Variants in MYO1E observed in about 807,000 individuals in gnomAD.
MYO1E encodes myosin IE.
Under a neutral mutation model 151.1 loss-of-function variants are expected in MYO1E, and 68 were observed. That is an observed-to-expected ratio of 0.45 (90% CI 0.37 to 0.55). The LOEUF (loss-of-function observed/expected upper bound fraction) is 0.55, where lower values mean the gene tolerates loss of function less well. Among genes scored for constraint, MYO1E ranks in the 20% least tolerant of loss-of-function variants. MYO1E has a pLI of 0.00. For synonymous variants in MYO1E, 601 were observed against 501.7 expected, an observed-to-expected ratio of 1.20 and a Z score of -2.64; for missense variants, 1,363 against 1,389.3, an observed-to-expected ratio of 0.98 and a Z score of 0.30.
In MYO1E at chr15:59,157,014, G is replaced by C. The variant is rs538117811; in HGVS notation, c.2878+1273C>G. On this transcript the variant is annotated intron_variant, in intron 25 of 27. Coordinates refer to ENST00000288235, the MANE Select transcript of MYO1E (RefSeq NM_004998.4). ...AAGGTGGGATGACTGCTTGAACCTA[G>C]GAGTTCAAGACCAGCCTGGGCAACA... is the stretch of plus-strand genomic sequence containing the variant. 9.2e-5 allele frequency among the ~76,000 whole-genome samples: 14 copies of C among 152,060 alleles called. No individual in the cohort carries two copies. The South Asian group carries it at 2.5e-3, about 27-fold the overall frequency.
chr15:59,153,172 T>C (rs1436881687), intron 26 of MYO1E, among the ~76,000 whole-genome samples: 1 of 152,176 alleles, frequency 6.6e-6, no homozygotes, highest in Non-Finnish European at 1.5e-5. Context: ...CTTCAACAAA[T>C]ATCATATAGA....
intron 7 of MYO1E, among the ~76,000 whole-genome samples, chr15:59,226,387 G>C (rs1312291220): frequency 1.3e-5 from 2 of 152,150 alleles, no homozygotes; most frequent in Admixed American, 1.3e-4. Context: ...ACAGTGACCA[G>C]GTCTTTCTTC....
At chr15:59,196,019 C>A (rs1407224111) in intron 16 of MYO1E, among the ~76,000 whole-genome samples, 1 of 152,204 alleles carries the variant, frequency 6.6e-6, no homozygotes, top group Non-Finnish European at 1.5e-5. Flanking sequence ...ATCCCCTACA[C>A]TCTCTTTTCT....
chr15:59,366,997 CAAAAAAA>C (rs66848377), intron 1 of MYO1E, among the ~76,000 whole-genome samples: 1 of 28,628 alleles, frequency 3.5e-5, no homozygotes, highest in African/African-American at 7.3e-5. Flanking sequence ...TGCATTTTCG[CAAAAAAA>C]AAAAAAAAAA....
At chr15:59,220,833 G>T (rs1003446809) in intron 9 of MYO1E, among the ~76,000 whole-genome samples, 4 of 140,542 alleles carry the variant, frequency 2.8e-5, no homozygotes, top group Admixed American at 7.5e-5. Context: ...CTCAATCCTC[G>T]ATTCCCAGCA....
intron 18 of MYO1E, among the ~76,000 whole-genome samples, chr15:59,185,344 T>C (rs1414208158): frequency 2.6e-5 from 4 of 152,198 alleles, no homozygotes; most frequent in African/African-American, 9.6e-5. Context: ...GCCAACTCAC[T>C]GCAACTTCCA....
chr15:59,336,809 G>T (rs1200903482), intron 1 of MYO1E, among the ~76,000 whole-genome samples: 1 of 131,596 alleles, frequency 7.6e-6, no homozygotes, highest in African/African-American at 2.9e-5. Context: ...TGTTCTCATT[G>T]TTCAGCTCCC....
At chr15:59,149,967 A>G (rs2079466629) in intron 26 of MYO1E, among the ~76,000 whole-genome samples, 1 of 152,200 alleles carries the variant, frequency 6.6e-6, no homozygotes, top group Non-Finnish European at 1.5e-5. Flanking sequence ...CAAATAGGAG[A>G]AGCTGTTAAA....
intron 1 of MYO1E, among the ~76,000 whole-genome samples, chr15:59,287,855 G>A (rs1046758255): frequency 6.6e-6 from 1 of 152,180 alleles, no homozygotes; most frequent in Non-Finnish European, 1.5e-5. Context: ...ATAGACTCTG[G>A]CCACCTGCAA....
At chr15:59,347,237 A>G (rs2080799314) in intron 1 of MYO1E, among the ~76,000 whole-genome samples, 1 of 152,338 alleles carries the variant, frequency 6.6e-6, no homozygotes, top group Non-Finnish European at 1.5e-5. Context: ...CACAAAGCCC[A>G]TTGTGAACCG....
At chr15:59,199,524 T>C (rs1365584816) in intron 16 of MYO1E, among the ~76,000 whole-genome samples, 3 of 152,194 alleles carry the variant, frequency 2.0e-5, no homozygotes, top group Non-Finnish European at 4.4e-5. Flanking sequence ...ATGCTCAACC[T>C]GTACTTGTCC....
At chr15:59,348,073 CA>C (rs1308133921) in intron 1 of MYO1E, among the ~76,000 whole-genome samples, 2 of 152,180 alleles carry the variant, frequency 1.3e-5, no homozygotes, top group Non-Finnish European at 2.9e-5. Flanking sequence ...CCTGCTGAAT[CA>C]CCTCCTCAGG....
chr15:59,275,971 T>C (rs1383664168), intron 1 of MYO1E, among the ~76,000 whole-genome samples: 4 of 152,172 alleles, frequency 2.6e-5, no homozygotes, highest in Admixed American at 2.0e-4. Context: ...AGGAGTTACA[T>C]GGGCGGTGTG....
At chr15:59,140,756 C>A (rs373243914) in intron 26 of MYO1E, among the ~76,000 whole-genome samples, 3 of 152,212 alleles carry the variant, frequency 2.0e-5, no homozygotes, top group African/African-American at 4.8e-5. Flanking sequence ...GGGGGGAACA[C>A]TGACTGCCAG....
intron 1 of MYO1E, among the ~76,000 whole-genome samples, chr15:59,331,498 T>C (rs899278404): frequency 6.6e-6 from 1 of 152,098 alleles, no homozygotes; most frequent in African/African-American, 2.4e-5. Context: ...TAGAACAATA[T>C]ATACAAACGG....
intron 24 of MYO1E, 41 bp from the exon 25 acceptor site, chr15:59,158,420 TGG>T: frequency 6.8e-7 from 1 of 1,468,062 alleles, no homozygotes; most frequent in Non-Finnish European, 9.3e-7. Flanking sequence ...TGCTACTGGT[TGG>T]TTTTATGGAT....
chr15:59,190,386 C>T (rs1008233590), intron 17 of MYO1E, among the ~76,000 whole-genome samples: 1 of 152,186 alleles, frequency 6.6e-6, no homozygotes, highest in Non-Finnish European at 1.5e-5. Context: ...AAAAGACAAT[C>T]AGAAGCATCC....
At chr15:59,263,408 T>G (rs2080235660) in intron 2 of MYO1E, among the ~76,000 whole-genome samples, 1 of 152,236 alleles carries the variant, frequency 6.6e-6, no homozygotes, top group South Asian at 2.1e-4. Context: ...TATCATGTAA[T>G]ATCTCAAATC....
At chr15:59,333,270 C>A (rs1469482311) in intron 1 of MYO1E, among the ~76,000 whole-genome samples, 1 of 152,064 alleles carries the variant, frequency 6.6e-6, no homozygotes, top group Admixed American at 6.6e-5. Flanking sequence ...GACAGGGCCT[C>A]GCTCTGTTAC....
Sources: allele counts gnomAD v4.1 joint callset (sites outside exome capture counted in the v4.1 genomes callset), GRCh38; gene constraint gnomAD v4.1.1; transcripts MANE v1.5; gene names NCBI Gene and HGNC (gene_info 2026-07-23, HGNC 2026-07-21).